The following CAST variants were observed in gnomAD, a reference collection of about 807,000 sequenced individuals.
CAST encodes the protein calpastatin.
CAST carries 76 observed loss-of-function variants against 119.6 expected under a neutral mutation model. The ratio of observed to expected loss-of-function variants is 0.64; its 90% CI spans 0.53 to 0.77. CAST has a LOEUF of 0.77. Among genes scored for constraint, CAST ranks in the 30% least tolerant of loss-of-function variants. The pLI is 0.00. For missense variants in CAST, 953 were observed against 946.5 expected, an observed-to-expected ratio of 1.01 and a Z score of -0.09; for synonymous variants, 319 against 331.6, an observed-to-expected ratio of 0.96 and a Z score of 0.41.
the CAST span, among the ~76,000 whole-genome samples, chr5:96,459,637 T>G: frequency 6.6e-6 from 1 of 152,158 alleles, no homozygotes; most frequent in Non-Finnish European, 1.5e-5. Flanking sequence ...TCTCTTTCTC[T>G]CTGCTGGAGC....
chr5:96,071,921 G>T, the CAST span, among the ~76,000 whole-genome samples: 5 of 152,096 alleles, frequency 3.3e-5, no homozygotes, highest in Non-Finnish European at 4.4e-5. Context: ...TGTTGAAGCT[G>T]ACCGGTACAT....
At chr5:96,420,755 G>T in the CAST span, among the ~76,000 whole-genome samples, 1 of 150,706 alleles carries the variant, frequency 6.6e-6, no homozygotes, top group African/African-American at 2.5e-5. Flanking sequence ...GAGGGAGGGA[G>T]GGAGGAAGGA....
upstream of CAST, chr5:96,529,724 A>C (rs1745657052): frequency 7.9e-6 from 3 of 377,966 alleles, no homozygotes; most frequent in South Asian, 6.0e-5. Context: ...CCATCCTGTG[A>C]TATCCTTGTG....
the CAST span, among the ~76,000 whole-genome samples, chr5:96,304,929 G>A: frequency 6.6e-6 from 1 of 152,118 alleles, no homozygotes; most frequent in South Asian, 2.1e-4. Context: ...TCTTGGCTAT[G>A]TGGGCTCTTT....
chr5:96,484,997 A>G, the CAST span, among the ~76,000 whole-genome samples: 49 of 152,316 alleles, frequency 3.2e-4, no homozygotes, highest in African/African-American at 1.1e-3. Flanking sequence ...GAAGTAAACA[A>G]TTGAGAATTA....
chr5:96,744,687 T>G lies in CAST; in HGVS notation c.1201-1655T>G, dbSNP rs61378839. 6.0e-3 allele frequency among the ~76,000 whole-genome samples: 909 copies of G among 152,272 alleles called. 10 individuals carry two copies. The highest frequency in any genetic ancestry group is 0.021 in the African/African-American group (861 of 41,536). Reference sequence around the variant, plus strand: ...CCTGAATTCTTAGTACCCGACTTAGTGGGTCCTTTACATCCTAGATAGTCT... The same window carrying G: ...CCTGAATTCTTAGTACCCGACTTAGGGGGTCCTTTACATCCTAGATAGTCT... On this transcript the variant is annotated intron_variant, in intron 16 of 31. Transcript: ENST00000675179.
the CAST span, among the ~76,000 whole-genome samples, chr5:96,512,248 C>T: frequency 6.6e-6 from 1 of 152,100 alleles, no homozygotes; most frequent in Non-Finnish European, 1.5e-5. Flanking sequence ...AAACTGTTAC[C>T]AATGCATGCC....
chr5:96,657,419 A>T (rs971012778), upstream of CAST, among the ~76,000 whole-genome samples: 1 of 152,198 alleles, frequency 6.6e-6, no homozygotes, highest in East Asian at 1.9e-4. Flanking sequence ...GAGGAAATGA[A>T]GTCTAGGCCT....
the CAST span, among the ~76,000 whole-genome samples, chr5:96,366,462 C>T: frequency 1.3e-5 from 2 of 152,226 alleles, no homozygotes; most frequent in African/African-American, 2.4e-5. Context: ...CTTTCAGGTA[C>T]ACCAATGAGA....
chr5:95,999,601 C>T, the CAST span, among the ~76,000 whole-genome samples: 1 of 152,126 alleles, frequency 6.6e-6, no homozygotes, highest in South Asian at 2.1e-4. Context: ...GTCTTGGTCT[C>T]CCAAAGTGCT....
the CAST span, among the ~76,000 whole-genome samples, chr5:96,289,376 G>A: frequency 7.2e-5 from 11 of 152,102 alleles, no homozygotes; most frequent in Admixed American, 6.5e-4. Flanking sequence ...TTGAATTGTA[G>A]TTCCCATAAT....
At chr5:96,074,359 G>A in the CAST span, among the ~76,000 whole-genome samples, 8 of 152,186 alleles carry the variant, frequency 5.3e-5, no homozygotes, top group African/African-American at 1.9e-4. Context: ...GTTTAGATGA[G>A]GTCACGAGGG....
chr5:96,191,673 G>A, the CAST span, among the ~76,000 whole-genome samples: 3 of 152,176 alleles, frequency 2.0e-5, no homozygotes, highest in East Asian at 1.9e-4. Context: ...AGGTTCAAGC[G>A]ACTCTTCTCC....
At chr5:96,678,258 G>A (rs1269217634) in intron 2 of CAST, among the ~76,000 whole-genome samples, 2 of 152,072 alleles carry the variant, frequency 1.3e-5, no homozygotes, top group Non-Finnish European at 2.9e-5. Context: ...TTGGTTTTTA[G>A]TAATCCATTT....
chr5:96,754,165 A>G lies in CAST; in HGVS notation c.1626+4A>G. The G allele has an allele frequency of 6.5e-7, 1 of 1,530,824 alleles. No homozygotes were observed. Among genetic ancestry groups the G allele is most frequent in the East Asian group, 2.2e-5 (1 of 44,552 alleles). 94.8% of individuals were successfully genotyped at this position (1,530,824 alleles called of 1,614,324 possible). On this transcript the variant is annotated splice_donor_region_variant and intron_variant, in intron 21 of 31. Coordinates refer to ENST00000675179, the MANE Select transcript of CAST (RefSeq NM_001750.7). ...ACCTGTGATGGATAAAGTCAAGGTA[A>G]TGGCAACTGAGATGCTTCTGGAAAA...
At chr5:96,433,172 G>A in the CAST span, 3 of 873,214 alleles carry the variant, frequency 3.4e-6, no homozygotes, top group Non-Finnish European at 5.6e-6. Context: ...GTTGCTCTGC[G>A]AAGAGCTAGG....
At chr5:96,405,392 C>T in the CAST span, among the ~76,000 whole-genome samples, 1 of 152,160 alleles carries the variant, frequency 6.6e-6, no homozygotes, top group African/African-American at 2.4e-5. Context: ...TCATGGACCC[C>T]TTGGAACCCA....
At chr5:96,196,868 G>A in the CAST span, among the ~76,000 whole-genome samples, 1 of 152,188 alleles carries the variant, frequency 6.6e-6, no homozygotes, top group Non-Finnish European at 1.5e-5. Flanking sequence ...AGCTAAGAGT[G>A]GAGTGAGGAA....
At chr5:96,705,145 C>A (rs1754677766) in intron 3 of CAST, among the ~76,000 whole-genome samples, 1 of 151,970 alleles carries the variant, frequency 6.6e-6, no homozygotes, top group Non-Finnish European at 1.5e-5. Flanking sequence ...CATAGCAAGA[C>A]CCTGTCTCTA....
Sources: allele counts gnomAD v4.1 joint callset (sites outside exome capture counted in the v4.1 genomes callset), GRCh38; gene constraint gnomAD v4.1.1; transcripts MANE v1.5; gene names NCBI Gene and HGNC (gene_info 2026-07-23, HGNC 2026-07-21).